Variants in EEF1D observed in about 807,000 individuals in gnomAD.
The protein encoded by EEF1D is elongation factor 1-delta.
Under a neutral mutation model 63.9 loss-of-function variants are expected in EEF1D, and 47 were observed. That is an observed-to-expected ratio of 0.74 (90% CI 0.58 to 0.94). The LOEUF (loss-of-function observed/expected upper bound fraction) is 0.94, where lower values mean the gene tolerates loss of function less well. EEF1D is among the 40% of genes least tolerant of loss of function. The pLI is 0.00. For synonymous variants in EEF1D, 412 were observed against 386.1 expected, an observed-to-expected ratio of 1.07 and a Z score of -0.79; for missense variants, 907 against 899.0, an observed-to-expected ratio of 1.01 and a Z score of -0.11.
intron 2 of EEF1D, 71 bp downstream of exon 2, chr8:143,592,576 G>C: frequency 2.0e-6 from 2 of 981,070 alleles, no homozygotes; most frequent in Non-Finnish European, 2.4e-6. Flanking sequence ...GGTTCCCTCA[G>C]GTGCAGCGAG....
rs1403161170 is a variant in EEF1D at position 143,586,653 on chromosome 8, C to G, written c.1215+76G>C. 3 of 1,571,654 alleles carry G rather than the reference C, an allele frequency of 1.9e-6. No individual in the cohort carries two copies. The African/African-American group carries it at 4.0e-5, about 21-fold the overall frequency. ...GGGTGCCTCTGCCTTCCTGGCCTGG[C>G]TGAATCCGCTTTGTGTGCCCCGGCC... On this transcript the variant is annotated intron_variant, in intron 4 of 9. Coordinates refer to ENST00000618139, the MANE Select transcript of EEF1D (RefSeq NM_001130053.5).
chr8:143,592,180 G>A (rs148986266), intron 2 of EEF1D: 19 of 985,464 alleles, frequency 1.9e-5, no homozygotes, highest in South Asian at 4.7e-5. Context: ...GACATCGTGC[G>A]GTGGTACCCC....
intron 5 of EEF1D, among the ~76,000 whole-genome samples, chr8:143,585,258 G>GT (rs1306740795): frequency 3.9e-5 from 6 of 152,144 alleles, no homozygotes; most frequent in Non-Finnish European, 8.8e-5. Context: ...CAAGAACCAC[G>GT]TAAGTGACAG....
chr8:143,595,092 A>C (rs1397685110), intron 1 of EEF1D, among the ~76,000 whole-genome samples: 2 of 151,084 alleles, frequency 1.3e-5, no homozygotes, highest in African/African-American at 4.9e-5. Flanking sequence ...TTTTTTTGAG[A>C]CGGAGCCTCA....
intron 5 of EEF1D, 85 bp downstream of exon 5, chr8:143,586,134 C>T: frequency 7.4e-7 from 1 of 1,358,488 alleles, no homozygotes; most frequent in Non-Finnish European, 1.0e-6. Context: ...GCTGTGAAGC[C>T]AAAACAACCA....
intron 1 of EEF1D, among the ~76,000 whole-genome samples, chr8:143,594,753 G>A (rs776354881): frequency 3.3e-5 from 5 of 152,210 alleles, no homozygotes; most frequent in African/African-American, 4.8e-5. Context: ...GACTGGCACT[G>A]CCTGATAGAA....
chr8:143,585,932 G>A (rs1442858824), intron 5 of EEF1D: 1 of 424,600 alleles, frequency 2.4e-6, no homozygotes, highest in East Asian at 3.6e-5. Flanking sequence ...GTGCCCACAG[G>A]ACACCCTGCA....
At chr8:143,597,031 G>T (rs572578930) in intron 1 of EEF1D, 1 of 152,358 alleles carries the variant, frequency 6.6e-6, no homozygotes, top group African/African-American at 2.4e-5. Flanking sequence ...CCACGGAGAC[G>T]GCAGCAAACA....
chr8:143,593,875 C>A, intron 1 of EEF1D: 1 of 985,448 alleles, frequency 1.0e-6, no homozygotes, highest in South Asian at 4.7e-5. Flanking sequence ...ATGGGAGGAC[C>A]TGCCGGACGC....
Position 143,589,096 on chromosome 8 carries a change from T to G in EEF1D, c.986A>C (p.His329Pro). The change falls in exon 3 of 10, where the codon CAC becomes CCC. Residue 329 changes from histidine (H) to proline (P), a missense_variant. Coordinates refer to ENST00000618139, the MANE Select transcript of EEF1D (RefSeq NM_001130053.5). ...KPAYDSAECR[H>P]HAAEALRVAW... ...CACCCGCAGGGCCTCGGCAGCGTGG[T>G]GGCGGCACTCGGCGCTGTCGTAGGC... 6.2e-7 allele frequency: 1 copy of G among 1,610,122 alleles called. No individual in the cohort carries two copies. Among genetic ancestry groups the G allele is most frequent in the Non-Finnish European group, 8.5e-7 (1 of 1,179,220 alleles).
At chr8:143,593,681 T>C (rs1828342524) in intron 1 of EEF1D, among the ~76,000 whole-genome samples, 1 of 152,090 alleles carries the variant, frequency 6.6e-6, no homozygotes, top group African/African-American at 2.4e-5. Context: ...TTGGGTGGGC[T>C]TCCCTGCAGA....
chr8:143,589,688 C>T lies in EEF1D; in HGVS notation c.394G>A (p.Val132Met). The T allele has an allele frequency of 2.0e-6, 3 of 1,529,864 alleles. No individual in the cohort carries two copies. Among genetic ancestry groups the T allele is most frequent in the African/African-American group, 2.8e-5 (2 of 72,116 alleles). 94.8% of individuals were successfully genotyped at this position (1,529,864 alleles called of 1,614,324 possible). ...GGAGGCCAGGCTGCCTGGGCAGCCA[C>T]ATCTGCCAGCTTCTGGCGGTAGGAG... Reference protein sequence around the residue: ...ESSYRQKLADVAAQAAWPPAL... With the variant: ...ESSYRQKLADMAAQAAWPPAL... Residue 132 changes from valine (V) to methionine (M), a missense_variant, in exon 3 of 10, where the codon GTG (valine) becomes ATG (methionine). Physicochemically the swap from Val to Met is conservative, Grantham distance 21. Transcript: ENST00000618139.
At position 143,589,308 on chromosome 8, in the gene EEF1D, C is replaced by T. The variant is rs1263557509; in HGVS notation, c.774G>A (p.Lys258=). ...EALFDGHPPG[K]VRLQERAGLA... is the part of the protein sequence containing the mutation. ...GGCCGGCTCGCTCTTGCAGGCGCAC[C>T]TTCCCTGGGGGATGGCCGTCAAACA... Residue 258 remains lysine, a synonymous_variant, in exon 3 of 10, where the codon AAG becomes AAA. Coordinates refer to ENST00000618139, the MANE Select transcript of EEF1D (RefSeq NM_001130053.5). 2 of 1,588,028 alleles carry T rather than the reference C, an allele frequency of 1.3e-6. No individual in the cohort carries two copies. Among genetic ancestry groups the T allele is most frequent in the Non-Finnish European group, 1.7e-6 (2 of 1,166,690 alleles).
chr8:143,580,613 T>C lies in EEF1D; in HGVS notation c.1603A>G (p.Lys535Glu), dbSNP rs1207162945. ...LFGSDNEEEDKEAAQLREERL... is the reference protein window; with the variant it reads ...LFGSDNEEEDEEAAQLREERL... ...TCCTCCCGCAGCTGTGCCGCCTCCT[T>C]GTCCTCCTCCTCATTGTCACTGCCA... The change falls in exon 8 of 10, where the codon AAG becomes GAG. Residue 535 changes from lysine to glutamate, a missense_variant. Lys to Glu is a moderately conservative substitution (Grantham distance 56, BLOSUM62 1). Coordinates refer to ENST00000618139, the MANE Select transcript of EEF1D (RefSeq NM_001130053.5). The C allele has an allele frequency of 1.2e-6, 2 of 1,613,806 alleles. No individual in the cohort carries two copies. Among genetic ancestry groups the C allele is most frequent in the Non-Finnish European group, 8.5e-7 (1 of 1,179,900 alleles).
intron 5 of EEF1D, chr8:143,582,225 C>T (rs148206389): frequency 6.6e-6 from 1 of 152,368 alleles, no homozygotes; most frequent in Non-Finnish European, 1.5e-5. Flanking sequence ...GTGGGGAATG[C>T]TTGTTTATGT....
intron 4 of EEF1D, 109 bp downstream of exon 4, chr8:143,586,620 C>T: frequency 6.8e-7 from 1 of 1,480,122 alleles, no homozygotes. Flanking sequence ...AGCAGAGCCA[C>T]TGGGCCAGGG....
At position 143,586,901 on chromosome 8, in the gene EEF1D, G is replaced by A. The variant is rs200508213; in HGVS notation, c.1092-49C>T. ...CAGCATGGCTGGGAAGTGGGCCTCG[G>A]CATCAGGACAGCCCAGAAGCACCAA... On this transcript the variant is annotated intron_variant, in intron 3 of 9. Coordinates refer to ENST00000618139, the MANE Select transcript of EEF1D (RefSeq NM_001130053.5). 10 of 1,607,056 alleles carry A rather than the reference G, an allele frequency of 6.2e-6. No homozygotes were observed. In the African/African-American group the frequency reaches 1.2e-4, roughly 19 times the overall value.
chr8:143,581,530 G>A (rs1825566460), intron 5 of EEF1D: 4 of 594,554 alleles, frequency 6.7e-6, no homozygotes, highest in African/African-American at 3.7e-5. Flanking sequence ...GCCAGGCAAA[G>A]TCCAGGACAG....
At chr8:143,587,020 G>C (rs531964143) in intron 3 of EEF1D, 168 bp from the exon 4 acceptor site, 1 of 868,078 alleles carries the variant, frequency 1.2e-6, no homozygotes, top group Admixed American at 2.6e-5. Flanking sequence ...GCATCCCCAG[G>C]CCTGTCTTCC....
Sources: allele counts gnomAD v4.1 joint callset (sites outside exome capture counted in the v4.1 genomes callset), GRCh38; gene constraint gnomAD v4.1.1; transcripts MANE v1.5; gene names NCBI Gene and HGNC (gene_info 2026-07-23, HGNC 2026-07-21).